EFTUD2: variants seen among roughly 807,000 people sequenced by gnomAD.
EFTUD2 encodes the protein elongation factor Tu GTP binding domain containing 2, also known as 116 kDa U5 small nuclear ribonucleoprotein component.
Under a neutral mutation model 114.3 loss-of-function variants are expected in EFTUD2, and 9 were observed. That is an observed-to-expected ratio of 0.08 (90% CI 0.05 to 0.14). The LOEUF (loss-of-function observed/expected upper bound fraction) is 0.14. Among genes scored for constraint, EFTUD2 ranks in the 10% least tolerant of loss-of-function variants. The pLI, the probability that EFTUD2 is intolerant of heterozygous loss-of-function variation, is 1.00. For missense variants in EFTUD2, 765 were observed against 1,241.2 expected (o/e 0.62, Z 5.76); for synonymous variants, 449 against 462.3 (o/e 0.97, Z 0.37).
Position 44,854,976 on chromosome 17 carries a change from G to C in EFTUD2, c.2074C>G (p.Leu692Val). The C allele has an allele frequency of 6.2e-7, 1 of 1,614,200 alleles. No individual in the cohort carries two copies. Among genetic ancestry groups the C allele is most frequent in the South Asian group, 1.1e-5 (1 of 91,092 alleles). ...ATGTCCTCTGCCAGGCCCTTCTCAA[G>C]AGGCTCAGCAATCATGGTGATCTTG... ...KNKITMIAEPLEKGLAEDIEN... is the reference protein window; with the variant it reads ...KNKITMIAEPVEKGLAEDIEN... Residue 692 changes from leucine to valine, a missense_variant, in exon 21 of 28, where the codon CTT (leucine) becomes GTT (valine). Transcript: ENST00000426333. The surrounding 1 kb of genome is among the most constrained non-coding windows in gnomAD (Gnocchi z 4.3).
Position 44,850,413 on chromosome 17 carries a change from G to C in EFTUD2, c.*861C>G, listed in dbSNP as rs200400475. ...GAGAAGTAGGACTCCTATAGGAGCCGGGGCTGTCCAACTCCCCTAACTCAA... is the reference window on the plus strand; with the variant it reads ...GAGAAGTAGGACTCCTATAGGAGCCCGGGCTGTCCAACTCCCCTAACTCAA... On this transcript the variant is annotated 3_prime_UTR_variant, in exon 28 of 28. Coordinates refer to ENST00000426333, the MANE Select transcript of EFTUD2 (RefSeq NM_004247.4). 1.9e-6 allele frequency: 3 copies of C among 1,600,036 alleles called. No homozygotes were observed. Among genetic ancestry groups the C allele is most frequent in the Non-Finnish European group, 2.6e-6 (3 of 1,169,288 alleles).
intron 19 of EFTUD2, among the ~76,000 whole-genome samples, chr17:44,858,253 T>G (rs1438092089): frequency 2.6e-5 from 4 of 152,092 alleles, no homozygotes; most frequent in African/African-American, 9.7e-5. Flanking sequence ...ATTTATTTTT[T>G]GAGACAGGGT....
chr17:44,853,385 A>G lies in EFTUD2; in HGVS notation c.2472T>C (p.Thr824=), dbSNP rs569491628. The change falls in exon 25 of 28, where the codon ACT becomes ACC. Residue 824 remains threonine (T), a synonymous_variant. Transcript: ENST00000426333. ...RVVYSAFLMA[T]PRLMEPYYFV... ...AGTAGTAAGGCTCCATCAGACGAGG[A>G]GTAGCCTGCAGCAGAGCAAGAAGAA... 5 of 1,614,054 alleles carry G rather than the reference A, an allele frequency of 3.1e-6. No individual in the cohort carries two copies. The highest frequency in any genetic ancestry group is 1.7e-5 in the Admixed American group (1 of 60,010).
chr17:44,863,030 C>G (rs1274032430), intron 15 of EFTUD2, 124 bp from the exon 16 acceptor site: 2 of 759,400 alleles, frequency 2.6e-6, no homozygotes, highest in Non-Finnish European at 4.2e-6. Flanking sequence ...ATGAGGTAGT[C>G]TCATCTCCAA....
At chr17:44,873,766 C>T (rs1229089690) in intron 10 of EFTUD2, among the ~76,000 whole-genome samples, 1 of 140,432 alleles carries the variant, frequency 7.1e-6, no homozygotes. Context: ...GAGTCTTGCT[C>T]TGTTGCCCAG....
intron 14 of EFTUD2, 167 bp from the exon 15 acceptor site, chr17:44,863,949 C>T (rs2050701702): frequency 3.4e-6 from 3 of 872,390 alleles, no homozygotes; most frequent in Non-Finnish European, 3.3e-6. Context: ...TGGGAATGTG[C>T]TGCTAGAAGA....
At chr17:44,864,246 G>A (rs1364303763) in intron 14 of EFTUD2, among the ~76,000 whole-genome samples, 1 of 152,172 alleles carries the variant, frequency 6.6e-6, no homozygotes, top group East Asian at 1.9e-4. Context: ...AGCACACTGG[G>A]ATAGGCCTGT....
chr17:44,875,811 T>C, intron 10 of EFTUD2, 123 bp downstream of exon 10: 6 of 1,200,650 alleles, frequency 5.0e-6, no homozygotes, highest in South Asian at 1.4e-5. Flanking sequence ...GATGTGCCTC[T>C]AGTTTTGCCC....
In EFTUD2 at chr17:44,859,428, T is replaced by C. The variant is rs577525489; in HGVS notation, c.1861-247A>G. 262 of 565,466 alleles carry C rather than the reference T, an allele frequency of 4.6e-4. 1 individual carries two copies. In the African/African-American group the frequency reaches 4.7e-3, roughly 10 times the overall value. The allele number at this position is 565,466 out of a possible 1,614,324, so 35.0% of individuals were successfully genotyped here. A position where few individuals can be genotyped will look rare whatever the true frequency, so the allele number is the denominator to read the frequency against. ...AATGATTTAATTCCCATCTTAATGA[T>C]TTAGGTCAAACTCTACCCTATACCC... is the stretch of plus-strand genomic sequence containing the variant. On this transcript the variant is annotated intron_variant, in intron 18 of 27. Coordinates refer to ENST00000426333, the MANE Select transcript of EFTUD2 (RefSeq NM_004247.4).
chr17:44,855,920 C>G (rs2050542151), intron 20 of EFTUD2, among the ~76,000 whole-genome samples: 1 of 151,452 alleles, frequency 6.6e-6, no homozygotes, highest in Non-Finnish European at 1.5e-5. Context: ...CCACTGCACT[C>G]CAGCCTGGGC....
At position 44,867,339 on chromosome 17, in the gene EFTUD2, G is replaced by A. The variant is rs571592301; in HGVS notation, c.1149+468C>T. 9.4e-3 allele frequency among the ~76,000 whole-genome samples: 1,224 copies of A among 129,924 alleles called. 17 individuals carry two copies. The highest frequency in any genetic ancestry group is 0.034 in the African/African-American group (1,145 of 33,984). 85.2% of individuals were successfully genotyped at this position (129,924 alleles called of 152,430 possible). ...TTTGGTGACAGAGTCTCGCTCTGTCGCCCAGGCTGGAGTGCAGTGGTGCAA... is the reference window on the plus strand; with the variant it reads ...TTTGGTGACAGAGTCTCGCTCTGTCACCCAGGCTGGAGTGCAGTGGTGCAA... On this transcript the variant is annotated intron_variant, in intron 13 of 27. Transcript: ENST00000426333.
At chr17:44,861,077 A>G (rs940367514) in intron 16 of EFTUD2, among the ~76,000 whole-genome samples, 1 of 152,224 alleles carries the variant, frequency 6.6e-6, no homozygotes, top group African/African-American at 2.4e-5. Context: ...ACATAAGAGG[A>G]AAATCTTATT....
At chr17:44,865,762 T>C (rs1290926917) in intron 13 of EFTUD2, among the ~76,000 whole-genome samples, 1 of 152,218 alleles carries the variant, frequency 6.6e-6, no homozygotes, top group Non-Finnish European at 1.5e-5. Context: ...CTATAATTTT[T>C]ACCCTTTTAG....
intron 2 of EFTUD2, among the ~76,000 whole-genome samples, chr17:44,889,169 C>A (rs917160968): frequency 1.3e-5 from 2 of 152,114 alleles, no homozygotes; most frequent in African/African-American, 2.4e-5. Flanking sequence ...CAGACGGATG[C>A]AGGCAGGTCA....
At chr17:44,863,828 A>G in intron 14 of EFTUD2, 46 bp from the exon 15 acceptor site, 2 of 1,605,730 alleles carry the variant, frequency 1.2e-6, no homozygotes, top group Admixed American at 1.7e-5. Context: ...CTTCCCAGGG[A>G]GCACGAGCAG....
Position 44,850,358 on chromosome 17 carries a change from T to TA in EFTUD2, c.*915dup, listed in dbSNP as rs1412168336. 2.5e-6 allele frequency: 4 copies of TA among 1,613,498 alleles called. No homozygotes were observed. The highest frequency in any genetic ancestry group is 3.4e-6 in the Non-Finnish European group (4 of 1,179,638). ...TGCTGTGTACACAATGTACAGCGAT[T>TA]ACGTCAAGAGGATGGCACAGGATGC... On this transcript the variant is annotated 3_prime_UTR_variant, in exon 28 of 28. Transcript: ENST00000426333.
intron 13 of EFTUD2, among the ~76,000 whole-genome samples, chr17:44,866,344 AAGCAATCCTCTGGCCTC>A (rs2050745695): frequency 6.6e-6 from 1 of 152,178 alleles, no homozygotes; most frequent in African/African-American, 2.4e-5. Context: ...ACCAGGGTTC[AAGCAATCCTCTGGCCTC>A]AGCCTCCTGA....
At chr17:44,890,222 G>A (rs949522160) in intron 2 of EFTUD2, among the ~76,000 whole-genome samples, 2 of 151,370 alleles carry the variant, frequency 1.3e-5, no homozygotes, top group East Asian at 2.0e-4. Flanking sequence ...GTTTCATCAC[G>A]TTGGCCAGAC....
At chr17:44,859,491 T>C in intron 18 of EFTUD2, 2 of 506,608 alleles carry the variant, frequency 3.9e-6, no homozygotes, top group Non-Finnish European at 7.2e-6. Flanking sequence ...CCTGGCCTGC[T>C]ACCTGGAAAG....
Sources: gnomAD v4.1 joint callset for allele counts (sites outside exome capture counted in the v4.1 genomes callset) on GRCh38, gnomAD v4.1.1 for gene constraint, Gnocchi (gnomAD v3.1) non-coding constraint, MANE v1.5 for transcripts, NCBI Gene and HGNC (gene_info 2026-07-23, HGNC 2026-07-21) for gene names.